CHUK: variants seen among roughly 807,000 people sequenced by gnomAD.
The protein encoded by CHUK is inhibitor of nuclear factor kappa-B kinase subunit alpha.
CHUK carries 35 observed loss-of-function variants against 104.8 expected under a neutral mutation model. The observed-to-expected ratio is 0.33, with a 90% CI of 0.26 to 0.44. CHUK has a LOEUF of 0.44. CHUK is among the 20% of genes least tolerant of loss of function. The pLI is 1.00. For missense variants in CHUK, 663 were observed against 902.7 expected (o/e 0.73, Z 3.40); for synonymous variants, 276 against 291.9 (o/e 0.95, Z 0.56).
chr10:100,200,635 C>G, intron 15 of CHUK, 36 bp downstream of exon 15: 1 of 958,920 alleles, frequency 1.0e-6, no homozygotes, highest in Non-Finnish European at 1.7e-6. Context: ...CAAAATATTA[C>G]AGATGTCAAG....
At position 100,229,440 on chromosome 10, in the gene CHUK, C is replaced by A. The variant is rs946317768; in HGVS notation, c.93G>T (p.Leu31=). Residue 31 remains leucine, a synonymous_variant, in exon 1 of 21, where the codon CTG becomes CTT. Coordinates refer to ENST00000370397, the MANE Select transcript of CHUK (RefSeq NM_001278.5). ...CGCCCCGCCTCACCCGATGCTGGTA[C>A]AGACAGACGTTCCCGAAGCCGCCGG... is the stretch of plus-strand genomic sequence containing the variant. ...LGTGGFGNVC[L]YQHRELDLKI... The A allele has an allele frequency of 1.9e-6, 3 of 1,603,948 alleles. No homozygotes were observed. The African/African-American group carries it at 4.0e-5, about 21-fold the overall frequency.
intron 8 of CHUK, 78 bp downstream of exon 8, chr10:100,218,640 G>T: frequency 1.1e-6 from 1 of 951,112 alleles, no homozygotes; most frequent in Non-Finnish European, 1.7e-6. Context: ...AATGCAACTT[G>T]AAACAGACAA....
At chr10:100,216,129 G>T (rs4919435) in intron 9 of CHUK, among the ~76,000 whole-genome samples, 8,739 of 152,158 alleles carry the variant, frequency 0.057, 395 homozygotes, top group African/African-American at 0.11. Flanking sequence ...CCATAATGTG[G>T]ACTCTTTCCC....
At chr10:100,204,970 G>A in intron 12 of CHUK, 106 bp downstream of exon 12, 1 of 1,309,576 alleles carries the variant, frequency 7.6e-7, no homozygotes, top group Non-Finnish European at 1.1e-6. Context: ...AATTGGCCCA[G>A]TATGTTACTA....
chr10:100,209,450 A>G, intron 10 of CHUK, 145 bp downstream of exon 10: 2 of 656,792 alleles, frequency 3.0e-6, no homozygotes, highest in African/African-American at 1.8e-5. Flanking sequence ...TCACCTTGCA[A>G]AGCAATGATA....
At chr10:100,215,628 A>G (rs1458151923) in intron 9 of CHUK, among the ~76,000 whole-genome samples, 1 of 152,198 alleles carries the variant, frequency 6.6e-6, no homozygotes, top group African/African-American at 2.4e-5. Context: ...TGTTCATAAT[A>G]AACAGTTGGA....
At chr10:100,204,434 T>A (rs1213871146) in intron 13 of CHUK, 72 bp downstream of exon 13, 28 of 1,288,272 alleles carry the variant, frequency 2.2e-5, no homozygotes, top group Non-Finnish European at 2.9e-5. Flanking sequence ...ACTGGCTGAG[T>A]TAAGAAGGCA....
rs1391545292 is a variant in CHUK, at chr10:100,217,976, T to A, written c.933+19A>T. ...TACTTTCAATGCTGGTCTTATGCAGTAGACCCATTAAGACTAACCTTCAAA... is the reference window on the plus strand; with the variant it reads ...TACTTTCAATGCTGGTCTTATGCAGAAGACCCATTAAGACTAACCTTCAAA... On this transcript the variant is annotated intron_variant, in intron 9 of 20. Coordinates refer to ENST00000370397, the MANE Select transcript of CHUK (RefSeq NM_001278.5). 2 of 1,609,936 alleles carry A rather than the reference T, an allele frequency of 1.2e-6. No homozygotes were observed. Among genetic ancestry groups the A allele is most frequent in the Non-Finnish European group, 1.7e-6 (2 of 1,176,254 alleles).
At chr10:100,218,210 C>A (rs1845904747) in intron 8 of CHUK, 80 bp from the exon 9 acceptor site, 9 of 1,273,504 alleles carry the variant, frequency 7.1e-6, no homozygotes, top group Non-Finnish European at 1.0e-5. Context: ...GGTAATTTTG[C>A]AGGTTGTCCA....
chr10:100,196,428 C>A (rs1845331176), intron 16 of CHUK, among the ~76,000 whole-genome samples: 1 of 150,332 alleles, frequency 6.7e-6, no homozygotes, highest in East Asian at 1.9e-4. Flanking sequence ...CTCTGTCAAC[C>A]CAGGCTGAAG....
rs1038839485 is a variant in CHUK at position 100,192,061 on chromosome 10, T to C, written c.2109-1093A>G. On this transcript the variant is annotated intron_variant, in intron 19 of 20. Transcript: ENST00000370397. Reference sequence around the variant, plus strand: ...TGAATCTGGGAGGCGGAGGTTGCAATGAGCCAAGACTGTGCCACTGCACTC... The same window carrying C: ...TGAATCTGGGAGGCGGAGGTTGCAACGAGCCAAGACTGTGCCACTGCACTC... Among the ~76,000 whole-genome samples, 4 of 152,316 alleles carry C rather than the reference T, an allele frequency of 2.6e-5. No homozygotes were observed. The East Asian group carries it at 7.7e-4, about 29-fold the overall frequency.
rs1845279144 is a variant in CHUK at position 100,194,503 on chromosome 10, C to T, written c.1748G>A (p.Ser583Asn). 1 of 1,611,266 alleles carries T rather than the reference C, an allele frequency of 6.2e-7. No homozygotes were observed. Among genetic ancestry groups the T allele is most frequent in the African/African-American group, 1.3e-5 (1 of 74,880 alleles). Residue 583 changes from serine to asparagine, a missense_variant, in exon 17 of 21, where the codon AGC becomes AAC. By Grantham distance (46) the Ser-to-Asn change is conservative. Around this residue, in one of 5 missense-constraint regions of CHUK, gnomAD observed 311 missense variants for 393.4 expected, o/e 0.79. Coordinates refer to ENST00000370397, the MANE Select transcript of CHUK (RefSeq NM_001278.5). The stretch of plus-strand genomic sequence containing the variant: ...CACAATGATTTTCACCATCTCTGTG[C>T]TGTCACTGTAGGAGTGATCTATAAA... ...HRPSDHSYSDSTEMVKIIVHT... is the reference protein window; with the variant it reads ...HRPSDHSYSDNTEMVKIIVHT...
At position 100,199,990 on chromosome 10, in the gene CHUK, C is replaced by G; in HGVS notation, c.1710G>C (p.Gln570His). Reference sequence around the variant, plus strand: ...TCTTACCTGAAGGTCTGTGTTTTAACTGCTTATATAGATCAATGGCACGCT... The same window carrying G: ...TCTTACCTGAAGGTCTGTGTTTTAAGTGCTTATATAGATCAATGGCACGCT... ...LEQRAIDLYKQLKHRPSDHSY... is the reference protein window; with the variant it reads ...LEQRAIDLYKHLKHRPSDHSY... The change falls in exon 16 of 21, where the codon CAG (glutamine) becomes CAC (histidine). Residue 570 changes from glutamine to histidine, a missense_variant. Coordinates refer to ENST00000370397, the MANE Select transcript of CHUK (RefSeq NM_001278.5). 2 of 1,612,970 alleles carry G rather than the reference C, an allele frequency of 1.2e-6. No homozygotes were observed. Among genetic ancestry groups the G allele is most frequent in the Non-Finnish European group, 1.7e-6 (2 of 1,179,046 alleles).
intron 9 of CHUK, among the ~76,000 whole-genome samples, chr10:100,211,118 T>C (rs141762733): frequency 1.3e-5 from 2 of 152,250 alleles, no homozygotes; most frequent in Non-Finnish European, 2.9e-5. Context: ...AAATCTGAAT[T>C]GATGTTTTCA....
At chr10:100,210,127 G>A (rs1373431116) in intron 9 of CHUK, among the ~76,000 whole-genome samples, 5 of 141,454 alleles carry the variant, frequency 3.5e-5, no homozygotes, top group African/African-American at 8.2e-5. Flanking sequence ...TCGCTCTGTC[G>A]CCCAGGCTGG....
intron 2 of CHUK, among the ~76,000 whole-genome samples, chr10:100,223,846 C>A (rs1482581510): frequency 6.6e-6 from 1 of 152,144 alleles, no homozygotes; most frequent in Non-Finnish European, 1.5e-5. Context: ...CAAAATAATA[C>A]CTAAATATAA....
intron 11 of CHUK, among the ~76,000 whole-genome samples, chr10:100,206,660 A>G (rs1845597388): frequency 3.3e-5 from 5 of 152,222 alleles, no homozygotes. Context: ...ATTTCACTCT[A>G]TGTAAACTGC....
chr10:100,201,167 G>A (rs1183021124), intron 14 of CHUK, among the ~76,000 whole-genome samples: 2 of 152,080 alleles, frequency 1.3e-5, no homozygotes, highest in South Asian at 4.1e-4. Flanking sequence ...ACCTTGAATA[G>A]GGACACAAAA....
chr10:100,226,492 C>A (rs777016686), intron 1 of CHUK, among the ~76,000 whole-genome samples: 12 of 152,138 alleles, frequency 7.9e-5, no homozygotes, highest in Non-Finnish European at 1.3e-4. Context: ...GTATGCATTT[C>A]AAATGACATG....
Sources: allele counts gnomAD v4.1 joint callset (sites outside exome capture counted in the v4.1 genomes callset), GRCh38; gene constraint gnomAD v4.1.1; regional missense constraint gnomAD v4.1.1; transcripts MANE v1.5; gene names NCBI Gene and HGNC (gene_info 2026-07-23, HGNC 2026-07-21).